Variants in COL28A1 observed in about 807,000 individuals in gnomAD.
COL28A1 encodes collagen type XXVIII alpha 1 chain.
COL28A1 carries 161 observed loss-of-function variants against 150.2 expected under a neutral mutation model. The ratio of observed to expected loss-of-function variants is 1.07; its 90% CI spans 0.94 to 1.22. The LOEUF is 1.22. Among genes scored for constraint, COL28A1 ranks in the 50% most tolerant of loss-of-function variants. The pLI, the probability that COL28A1 is intolerant of heterozygous loss-of-function variation, is 0.00. For missense variants in COL28A1, 1,617 were observed against 1,388.3 expected, an observed-to-expected ratio of 1.16 and a Z score of -2.62; for synonymous variants, 552 against 469.7, an observed-to-expected ratio of 1.18 and a Z score of -2.26.
At position 7,462,498 on chromosome 7, in the gene COL28A1, A is replaced by C. The variant is rs149985564; in HGVS notation, c.1303-6386T>G. ...AAAAAATGATACAAGAAGTGAAGGG[A>C]GAAATATTCAATGAAATAGATAGCA... On this transcript the variant is annotated intron_variant, in intron 15 of 34. Coordinates refer to ENST00000399429, the MANE Select transcript of COL28A1 (RefSeq NM_001037763.3). Among the ~76,000 whole-genome samples the C allele has an allele frequency of 1.7e-3, 264 of 152,212 alleles. 2 individuals carry two copies. The highest frequency in any genetic ancestry group is 5.9e-3 in the African/African-American group (245 of 41,442).
chr7:7,507,754 A>G (rs1340896898), intron 9 of COL28A1, among the ~76,000 whole-genome samples: 2 of 152,094 alleles, frequency 1.3e-5, no homozygotes, highest in East Asian at 3.8e-4. Context: ...TTAACAATTG[A>G]CACACTTTGA....
At chr7:7,516,692 C>T (rs925682380) in intron 7 of COL28A1, among the ~76,000 whole-genome samples, 1 of 152,166 alleles carries the variant, frequency 6.6e-6, no homozygotes, top group Non-Finnish European at 1.5e-5. Context: ...GCTATTATTA[C>T]AGTTACATGT....
intron 18 of COL28A1, among the ~76,000 whole-genome samples, chr7:7,451,960 C>T (rs1157633677): frequency 6.6e-6 from 1 of 152,142 alleles, no homozygotes; most frequent in Non-Finnish European, 1.5e-5. Context: ...TATATAACTT[C>T]AGGATGACTT....
At chr7:7,360,583 C>G in intron 33 of COL28A1, 55 bp from the exon 34 acceptor site, 4 of 1,533,268 alleles carry the variant, frequency 2.6e-6, no homozygotes, top group Non-Finnish European at 2.6e-6. Flanking sequence ...AAAAAAAATA[C>G]TAGTTTGCTT....
chr7:7,473,794 CATCA>C (rs1423424382), intron 15 of COL28A1, among the ~76,000 whole-genome samples: 3 of 151,954 alleles, frequency 2.0e-5, no homozygotes, highest in Non-Finnish European at 2.9e-5. Flanking sequence ...CCCAAATGCC[CATCA>C]ATCAATGAGT....
intron 25 of COL28A1, among the ~76,000 whole-genome samples, chr7:7,429,955 G>A (rs537132080): frequency 7.2e-5 from 11 of 152,228 alleles, no homozygotes; most frequent in African/African-American, 2.6e-4. Context: ...AAAAACAATA[G>A]GCAAGATGAA....
chr7:7,519,250 CA>C (rs1781578258), intron 6 of COL28A1, among the ~76,000 whole-genome samples: 2 of 152,060 alleles, frequency 1.3e-5, no homozygotes, highest in Non-Finnish European at 2.9e-5. Flanking sequence ...ATAAAACCAT[CA>C]GATCTCATGT....
intron 15 of COL28A1, among the ~76,000 whole-genome samples, chr7:7,469,501 G>A (rs1788253541): frequency 1.7e-5 from 1 of 57,762 alleles, no homozygotes; most frequent in Admixed American, 2.2e-4. Flanking sequence ...TCATGGGTAG[G>A]AAGAATCAAT....
chr7:7,432,163 G>A (rs989174526), intron 25 of COL28A1, among the ~76,000 whole-genome samples: 11 of 152,318 alleles, frequency 7.2e-5, no homozygotes, highest in East Asian at 1.9e-4. Context: ...GGGGCTGGAC[G>A]AGAGTATCTA....
intron 3 of COL28A1, among the ~76,000 whole-genome samples, chr7:7,529,575 T>C (rs1782230209): frequency 6.6e-6 from 1 of 152,176 alleles, no homozygotes; most frequent in Non-Finnish European, 1.5e-5. Flanking sequence ...ACAATTTTGC[T>C]TCCAGTCTAC....
At chr7:7,510,949 T>C (rs993469167) in intron 9 of COL28A1, 142 bp downstream of exon 9, 4 of 687,872 alleles carry the variant, frequency 5.8e-6, no homozygotes, top group Admixed American at 2.7e-5. Context: ...TTCTACCACA[T>C]GTTTTACAGA....
chr7:7,407,449 A>C (rs987388855), intron 27 of COL28A1, among the ~76,000 whole-genome samples: 1 of 152,098 alleles, frequency 6.6e-6, no homozygotes, highest in Non-Finnish European at 1.5e-5. Flanking sequence ...AAAAGCCACC[A>C]AAGAAAGGAT....
intron 25 of COL28A1, among the ~76,000 whole-genome samples, chr7:7,423,804 T>A (rs1196874547): frequency 1.3e-5 from 2 of 152,154 alleles, no homozygotes; most frequent in African/African-American, 2.4e-5. Context: ...TGCTCAGTGT[T>A]GCTATTCATT....
At chr7:7,465,413 G>C (rs978954132) in intron 15 of COL28A1, among the ~76,000 whole-genome samples, 1 of 140,936 alleles carries the variant, frequency 7.1e-6, no homozygotes, top group Admixed American at 7.2e-5. Flanking sequence ...AAGAAACGGC[G>C]CACCACGAGA....
chr7:7,381,659 G>C, intron 27 of COL28A1, 47 bp from the exon 28 acceptor site: 1 of 1,462,832 alleles, frequency 6.8e-7, no homozygotes, highest in Non-Finnish European at 9.6e-7. Context: ...TCCCAGGATA[G>C]CTTGGCTATT....
chr7:7,347,618 G>T, the COL28A1 span, among the ~76,000 whole-genome samples: 2,195 of 152,160 alleles, frequency 0.014, 61 homozygotes, highest in African/African-American at 0.05. Context: ...AACCATTTGG[G>T]AGTCAAACAA....
chr7:7,533,053 T>C (rs182504748), intron 1 of COL28A1, 141 bp from the exon 2 acceptor site: 13 of 969,362 alleles, frequency 1.3e-5, no homozygotes, highest in African/African-American at 1.7e-5. Flanking sequence ...AATATTCACA[T>C]TGAGATTTTG....
chr7:7,500,524 A>G (rs1336055525), intron 11 of COL28A1, among the ~76,000 whole-genome samples: 1 of 152,214 alleles, frequency 6.6e-6, no homozygotes, highest in Non-Finnish European at 1.5e-5. Context: ...ACTAGGAATG[A>G]TTAACGGTAT....
chr7:7,401,336 C>A (rs536867796), intron 27 of COL28A1, among the ~76,000 whole-genome samples: 2 of 152,094 alleles, frequency 1.3e-5, no homozygotes, highest in Non-Finnish European at 2.9e-5. Flanking sequence ...ACTTTAAATA[C>A]CATCTATAAA....
Sources: allele counts gnomAD v4.1 joint callset (sites outside exome capture counted in the v4.1 genomes callset), GRCh38; gene constraint gnomAD v4.1.1; transcripts MANE v1.5; gene names NCBI Gene and HGNC (gene_info 2026-07-23, HGNC 2026-07-21).